FRMD4B: variants seen among roughly 807,000 people sequenced by gnomAD.
FRMD4B encodes the protein FERM domain containing 4B, also known as FERM domain-containing protein 4B.
In FRMD4B, 74 loss-of-function variants were observed where a neutral mutation model predicts 141.5. The ratio of observed to expected loss-of-function variants is 0.52; its 90% CI spans 0.43 to 0.63. The LOEUF is 0.63. Among genes scored for constraint, FRMD4B ranks in the 30% least tolerant of loss-of-function variants. FRMD4B has a pLI of 0.00. For missense variants in FRMD4B, 1,366 were observed against 1,253.4 expected (o/e 1.09, Z -1.36); for synonymous variants, 506 against 467.9 (o/e 1.08, Z -1.05).
chr3:69,231,156 A>G (rs2093302389), intron 7 of FRMD4B, among the ~76,000 whole-genome samples: 1 of 152,250 alleles, frequency 6.6e-6, no homozygotes, highest in South Asian at 2.1e-4. Context: ...GAAAACATTT[A>G]CCATAGAGTC....
intron 1 of FRMD4B, among the ~76,000 whole-genome samples, chr3:69,510,585 A>G (rs1706672105): frequency 6.6e-6 from 1 of 152,214 alleles, no homozygotes; most frequent in Non-Finnish European, 1.5e-5. Context: ...AGCTCAGCCC[A>G]TGAGTATACT....
chr3:69,250,296 T>TGTGG (rs2106784431), intron 5 of FRMD4B, 197 bp from the exon 6 acceptor site: 1 of 290,654 alleles, frequency 3.4e-6, no homozygotes, highest in Non-Finnish European at 6.0e-6. Flanking sequence ...TGTGCGTGTG[T>TGTGG]GTGTGTGTGT....
chr3:69,292,517 T>C (rs1366603081), intron 4 of FRMD4B, among the ~76,000 whole-genome samples: 5 of 152,226 alleles, frequency 3.3e-5, no homozygotes, highest in Non-Finnish European at 7.3e-5. Flanking sequence ...GACTACATCC[T>C]AGTCCCAGTA....
chr3:69,291,677 T>C (rs7618976), intron 4 of FRMD4B, among the ~76,000 whole-genome samples: 1 of 152,212 alleles, frequency 6.6e-6, no homozygotes, highest in East Asian at 1.9e-4. Context: ...TCAAAGATGG[T>C]TGGAGCCTAT....
At chr3:69,327,694 G>C (rs898956247) in intron 1 of FRMD4B, among the ~76,000 whole-genome samples, 1 of 152,190 alleles carries the variant, frequency 6.6e-6, no homozygotes, top group East Asian at 1.9e-4. Context: ...CAGAGTCCTA[G>C]CCTATCTCTG....
intron 20 of FRMD4B, 125 bp downstream of exon 20, chr3:69,182,473 A>G: frequency 1.2e-6 from 1 of 859,972 alleles, no homozygotes; most frequent in Non-Finnish European, 1.7e-6. Flanking sequence ...CAGAAAATGT[A>G]AAACCATAAA....
chr3:69,411,364 C>T (rs959233087), intron 2 of FRMD4B, among the ~76,000 whole-genome samples: 2 of 152,088 alleles, frequency 1.3e-5, no homozygotes, highest in Non-Finnish European at 2.9e-5. Context: ...CACAAAAATA[C>T]AATTAACCAC....
At chr3:69,507,395 G>A (rs1204229587) in intron 1 of FRMD4B, among the ~76,000 whole-genome samples, 3 of 152,116 alleles carry the variant, frequency 2.0e-5, no homozygotes, top group Non-Finnish European at 4.4e-5. Context: ...GTTTGTGTGT[G>A]TGTGTGTGTT....
chr3:69,444,095 T>C (rs1031374669), intron 1 of FRMD4B, among the ~76,000 whole-genome samples: 3 of 152,154 alleles, frequency 2.0e-5, no homozygotes, highest in Non-Finnish European at 4.4e-5. Flanking sequence ...CACACCCCTC[T>C]GATTTCATCT....
intron 3 of FRMD4B, among the ~76,000 whole-genome samples, chr3:69,306,104 C>T (rs868427083): frequency 1.4e-4 from 21 of 152,158 alleles, no homozygotes; most frequent in Middle Eastern, 6.8e-3. Context: ...TTTAAAAAAT[C>T]CACCCACAAT....
At chr3:69,219,170 A>AAC (rs2093169731) in intron 9 of FRMD4B, among the ~76,000 whole-genome samples, 1 of 151,298 alleles carries the variant, frequency 6.6e-6, no homozygotes, top group African/African-American at 2.4e-5. Context: ...GTCAAAAAAA[A>AAC]AAAAAAAGTC....
chr3:69,179,524 G>A (rs76363321), intron 21 of FRMD4B, among the ~76,000 whole-genome samples: 1 of 152,196 alleles, frequency 6.6e-6, no homozygotes, highest in Non-Finnish European at 1.5e-5. Flanking sequence ...AGATGGGACA[G>A]CCCTAGTGGA....
At chr3:69,268,522 C>G (rs901991713) in intron 5 of FRMD4B, among the ~76,000 whole-genome samples, 6 of 151,936 alleles carry the variant, frequency 3.9e-5, no homozygotes, top group Admixed American at 3.9e-4. Context: ...TTAAACGCAC[C>G]CTGGCACCAA....
At chr3:69,280,053 G>A (rs1310405052) in intron 5 of FRMD4B, among the ~76,000 whole-genome samples, 2 of 152,076 alleles carry the variant, frequency 1.3e-5, no homozygotes, top group Non-Finnish European at 2.9e-5. Flanking sequence ...TCACAGATAT[G>A]GTCAAGGGCA....
intron 1 of FRMD4B, among the ~76,000 whole-genome samples, chr3:69,501,694 G>A (rs899646377): frequency 4.6e-5 from 7 of 152,218 alleles, no homozygotes; most frequent in Admixed American, 3.3e-4. Flanking sequence ...AATCAGGCAG[G>A]AGAAAGAAAT....
At chr3:69,217,438 T>A (rs188047270) in intron 10 of FRMD4B, among the ~76,000 whole-genome samples, 1 of 152,088 alleles carries the variant, frequency 6.6e-6, no homozygotes, top group African/African-American at 2.4e-5. Context: ...CTGGCCAACA[T>A]GGTGAAACCC....
chr3:69,359,333 T>G (rs1413776569), intron 1 of FRMD4B, among the ~76,000 whole-genome samples: 1 of 152,198 alleles, frequency 6.6e-6, no homozygotes, highest in Non-Finnish European at 1.5e-5. Flanking sequence ...CAGGACCATT[T>G]CTGCCTTGTT....
At chr3:69,366,811 C>T (rs959879752) in intron 1 of FRMD4B, among the ~76,000 whole-genome samples, 1 of 151,962 alleles carries the variant, frequency 6.6e-6, no homozygotes, top group Non-Finnish European at 1.5e-5. Context: ...ACTCTGTTGC[C>T]CAGGCTGGAG....
intron 1 of FRMD4B, among the ~76,000 whole-genome samples, chr3:69,338,113 A>T (rs1013969005): frequency 2.0e-5 from 3 of 152,224 alleles, no homozygotes; most frequent in Non-Finnish European, 4.4e-5. Context: ...TACACCATGG[A>T]ATACTCTGCA....
Sources: gnomAD v4.1 joint callset for allele counts (sites outside exome capture counted in the v4.1 genomes callset) on GRCh38, gnomAD v4.1.1 for gene constraint, MANE v1.5 for transcripts, NCBI Gene and HGNC (gene_info 2026-07-23, HGNC 2026-07-21) for gene names.